The following SBF2 variants were observed in gnomAD, a reference collection of about 807,000 sequenced individuals.
The protein encoded by SBF2 is myotubularin-related protein 13.
A neutral mutation model predicts 225.2 loss-of-function variants in SBF2; 112 were observed. The ratio of observed to expected loss-of-function variants is 0.50; its 90% CI spans 0.43 to 0.58. The LOEUF (loss-of-function observed/expected upper bound fraction) is 0.58. Among genes scored for constraint, SBF2 ranks in the 20% least tolerant of loss-of-function variants. The probability of loss-of-function intolerance (pLI) is 0.00; values close to 1 mark genes in which losing one functional copy is unlikely to be tolerated. For synonymous variants in SBF2, 763 were observed against 773.3 expected, an observed-to-expected ratio of 0.99 and a Z score of 0.22; for missense variants, 1,996 against 2,206.2, an observed-to-expected ratio of 0.90 and a Z score of 1.91.
At chr11:10,069,414 G>A (rs923070810) in intron 2 of SBF2, among the ~76,000 whole-genome samples, 7 of 148,846 alleles carry the variant, frequency 4.7e-5, no homozygotes, top group African/African-American at 1.7e-4. Context: ...GTGGTGTTTG[G>A]TTTTCTGTCT....
rs1457860379 is a variant in SBF2, at chr11:10,029,129, T to C, written c.514-572A>G. On this transcript the variant is annotated intron_variant, in intron 5 of 39. Coordinates refer to ENST00000256190, the MANE Select transcript of SBF2 (RefSeq NM_030962.4). ...GGCTGTCCTCTTTCCCAATATTATA[T>C]AAGAATAAGCAAAATAAATTATCAC... is the stretch of plus-strand genomic sequence containing the variant. Among the ~76,000 whole-genome samples, 8 of 152,174 alleles carry C rather than the reference T, an allele frequency of 5.3e-5. No individual in the cohort carries two copies. The South Asian group carries it at 8.3e-4, about 16-fold the overall frequency.
chr11:10,300,002 C>G (rs1441281103), intron 1 of SBF2, among the ~76,000 whole-genome samples: 2 of 152,178 alleles, frequency 1.3e-5, no homozygotes, highest in East Asian at 1.9e-4. Flanking sequence ...CCTCTTTTCT[C>G]TATCATTCTA....
chr11:10,149,458 A>T (rs1955060694), intron 2 of SBF2: 3 of 152,182 alleles, frequency 2.0e-5, no homozygotes, highest in Non-Finnish European at 4.4e-5. Flanking sequence ...CCTTGACTAC[A>T]TTTGGCAAGG....
chr11:10,126,658 A>G (rs1272312434), intron 2 of SBF2, among the ~76,000 whole-genome samples: 2 of 152,156 alleles, frequency 1.3e-5, no homozygotes, highest in African/African-American at 4.8e-5. Context: ...AAAATTTCAT[A>G]CAATCCAACA....
At chr11:10,028,802 A>G (rs549699972) in intron 5 of SBF2, among the ~76,000 whole-genome samples, 2 of 152,302 alleles carry the variant, frequency 1.3e-5, no homozygotes, top group East Asian at 1.9e-4. Flanking sequence ...ATTGATAATC[A>G]TAACTGGCTA....
chr11:9,902,013 A>T (rs1268757489), intron 16 of SBF2, among the ~76,000 whole-genome samples: 1 of 152,204 alleles, frequency 6.6e-6, no homozygotes, highest in African/African-American at 2.4e-5. Flanking sequence ...TAGATAGAAG[A>T]CCCTGAAGGA....
At chr11:10,080,578 T>C (rs1172057700) in intron 2 of SBF2, among the ~76,000 whole-genome samples, 1 of 150,378 alleles carries the variant, frequency 6.6e-6, no homozygotes, top group Non-Finnish European at 1.5e-5. Context: ...GGCAAGTAGA[T>C]AGAAACATTA....
At chr11:10,227,744 T>A (rs1299848717) in intron 1 of SBF2, among the ~76,000 whole-genome samples, 1 of 152,222 alleles carries the variant, frequency 6.6e-6, no homozygotes, top group African/African-American at 2.4e-5. Flanking sequence ...TAGTCTGAAC[T>A]CAGGTAGTGT....
intron 2 of SBF2, among the ~76,000 whole-genome samples, chr11:10,098,679 G>GCACACACA (rs56244507): frequency 6.6e-4 from 86 of 130,896 alleles, no homozygotes; most frequent in South Asian, 5.4e-3. Flanking sequence ...GACAAAAAAT[G>GCACACACA]CACACACACA....
intron 28 of SBF2, among the ~76,000 whole-genome samples, chr11:9,818,701 A>AT (rs1590152331): frequency 6.6e-6 from 1 of 152,072 alleles, no homozygotes; most frequent in African/African-American, 2.4e-5. Flanking sequence ...AAAAGTTTTT[A>AT]TTGGTCATTT....
At chr11:10,017,482 A>T (rs1948699051) in intron 6 of SBF2, among the ~76,000 whole-genome samples, 1 of 152,224 alleles carries the variant, frequency 6.6e-6, no homozygotes, top group South Asian at 2.1e-4. Flanking sequence ...TACTCCAGAC[A>T]CTAGAATATA....
chr11:10,231,972 G>A (rs949329346), intron 1 of SBF2, among the ~76,000 whole-genome samples: 14 of 152,198 alleles, frequency 9.2e-5, no homozygotes, highest in African/African-American at 9.6e-5. Flanking sequence ...CGAGCTTCCC[G>A]GCCGCTTTGT....
intron 13 of SBF2, among the ~76,000 whole-genome samples, chr11:9,969,028 TA>T (rs1867152756): frequency 1.3e-5 from 2 of 149,102 alleles, no homozygotes; most frequent in South Asian, 4.3e-4. Context: ...TTGGATTTTT[TA>T]AAAAATTCTA....
chr11:10,102,820 A>C (rs1300234357), intron 2 of SBF2, among the ~76,000 whole-genome samples: 1 of 152,260 alleles, frequency 6.6e-6, no homozygotes, highest in Non-Finnish European at 1.5e-5. Context: ...ACAGAAAATT[A>C]TAAAGAGATC....
At chr11:9,911,028 C>T (rs1590410468) in intron 16 of SBF2, among the ~76,000 whole-genome samples, 1 of 148,938 alleles carries the variant, frequency 6.7e-6, no homozygotes, top group South Asian at 2.1e-4. Flanking sequence ...CACTGCACTC[C>T]AGCCTGGTGA....
intron 17 of SBF2, among the ~76,000 whole-genome samples, chr11:9,859,528 T>G (rs1857557750): frequency 6.6e-6 from 1 of 152,238 alleles, no homozygotes; most frequent in African/African-American, 2.4e-5. Flanking sequence ...TTGGCCCATT[T>G]TATTCTTTGG....
At chr11:9,914,826 C>T (rs764505873) in intron 16 of SBF2, among the ~76,000 whole-genome samples, 7 of 148,728 alleles carry the variant, frequency 4.7e-5, no homozygotes, top group East Asian at 2.0e-4. Flanking sequence ...ATGTAAAATG[C>T]GCACTTTGGG....
chr11:10,219,393 G>C (rs532834299), intron 1 of SBF2, among the ~76,000 whole-genome samples: 5 of 152,156 alleles, frequency 3.3e-5, no homozygotes, highest in African/African-American at 7.2e-5. Flanking sequence ...CAGCAGGGGG[G>C]CCCTGGGCCT....
At chr11:9,975,531 C>CTCTACCTACTTATTGTGATGCTAGTG (rs1946643030) in intron 13 of SBF2, among the ~76,000 whole-genome samples, 1 of 152,196 alleles carries the variant, frequency 6.6e-6, no homozygotes, top group Non-Finnish European at 1.5e-5. Flanking sequence ...GATAGAAATA[C>CTCTACCTACTTATTGTGATGCTAGTG]TCTACCTACT....
Sources: gnomAD v4.1 joint callset for allele counts (sites outside exome capture counted in the v4.1 genomes callset) on GRCh38, gnomAD v4.1.1 for gene constraint, MANE v1.5 for transcripts, NCBI Gene and HGNC (gene_info 2026-07-23, HGNC 2026-07-21) for gene names.